The following SCHIP1 variants were observed in gnomAD, a reference collection of about 807,000 sequenced individuals.
The protein encoded by SCHIP1 is schwannomin-interacting protein 1.
A neutral mutation model predicts 29.7 loss-of-function variants in SCHIP1; 8 were observed. The observed-to-expected ratio is 0.27, with a 90% CI of 0.16 to 0.49. The LOEUF is 0.49. Ranked by LOEUF, SCHIP1 falls within the 20% of genes least tolerant of loss-of-function variation. The pLI is 0.99. For synonymous variants in SCHIP1, 76 were observed against 94.9 expected (o/e 0.80, Z 1.16); for missense variants, 193 against 294.6 (o/e 0.66, Z 2.52).
chr3:159,406,157 T>C, the SCHIP1 span, among the ~76,000 whole-genome samples: 1 of 151,364 alleles, frequency 6.6e-6, no homozygotes, highest in African/African-American at 2.4e-5. Context: ...CCAAAGAGAC[T>C]CCATGAAGGC....
chr3:159,399,095 C>G, the SCHIP1 span: 5 of 232,216 alleles, frequency 2.2e-5, no homozygotes, highest in South Asian at 7.9e-4. Context: ...CAGGCACACT[C>G]TGGATTGGAG....
chr3:159,631,742 G>A, the SCHIP1 span, among the ~76,000 whole-genome samples: 3 of 152,104 alleles, frequency 2.0e-5, no homozygotes, highest in Admixed American at 6.6e-5. Flanking sequence ...ACTCTAGATA[G>A]TTGTGATGGT....
chr3:159,595,422 G>T, the SCHIP1 span, among the ~76,000 whole-genome samples: 1 of 152,098 alleles, frequency 6.6e-6, no homozygotes, highest in Non-Finnish European at 1.5e-5. Context: ...GATCAAGGGA[G>T]TGGGTGCCAT....
the SCHIP1 span, among the ~76,000 whole-genome samples, chr3:159,805,939 G>T: frequency 4.1e-4 from 62 of 151,786 alleles, no homozygotes; most frequent in African/African-American, 1.5e-3. Context: ...GTCCCGAGTA[G>T]CTGGGACTAG....
chr3:159,525,103 C>T, the SCHIP1 span, among the ~76,000 whole-genome samples: 3 of 152,180 alleles, frequency 2.0e-5, no homozygotes, highest in African/African-American at 7.2e-5. Flanking sequence ...GTGTTCACTC[C>T]CCATCTTCTT....
chr3:159,892,570 A>T (rs1237185103), intron 6 of SCHIP1: 1 of 394,390 alleles, frequency 2.5e-6, no homozygotes, highest in African/African-American at 2.0e-5. Flanking sequence ...CCAAAGCACA[A>T]GCTCTTGTAT....
At chr3:159,330,624 G>A in the SCHIP1 span, among the ~76,000 whole-genome samples, 112,565 of 152,106 alleles carry the variant, frequency 0.74, 42,343 homozygotes, top group African/African-American at 0.87. Flanking sequence ...CACTGTATCA[G>A]TCAATGCCCT....
chr3:159,792,139 T>C, the SCHIP1 span, among the ~76,000 whole-genome samples: 1 of 152,196 alleles, frequency 6.6e-6, no homozygotes, highest in Non-Finnish European at 1.5e-5. Context: ...GTTTGTTCAT[T>C]CCTGGAGATA....
At chr3:159,588,979 GT>G in the SCHIP1 span, among the ~76,000 whole-genome samples, 2 of 152,104 alleles carry the variant, frequency 1.3e-5, no homozygotes, top group African/African-American at 2.4e-5. Flanking sequence ...ATTTAAAGTA[GT>G]TTTTTTCCAA....
chr3:159,677,578 G>A, the SCHIP1 span, among the ~76,000 whole-genome samples: 4 of 152,150 alleles, frequency 2.6e-5, no homozygotes, highest in East Asian at 7.7e-4. Context: ...GAGGACAGAT[G>A]ATTTTAACAA....
the SCHIP1 span, among the ~76,000 whole-genome samples, chr3:159,497,837 C>T: frequency 3.7e-4 from 57 of 152,142 alleles, no homozygotes; most frequent in Admixed American, 3.4e-3. Flanking sequence ...GAACAAAGCT[C>T]ACATTACCCA....
At chr3:159,725,547 G>T in the SCHIP1 span, among the ~76,000 whole-genome samples, 1 of 152,252 alleles carries the variant, frequency 6.6e-6, no homozygotes, top group Non-Finnish European at 1.5e-5. Flanking sequence ...TCACAGGCGT[G>T]AGCCACCACG....
chr3:159,826,971 G>A, the SCHIP1 span, among the ~76,000 whole-genome samples: 1 of 152,156 alleles, frequency 6.6e-6, no homozygotes, highest in Non-Finnish European at 1.5e-5. Context: ...GGTGTCATGT[G>A]TTGGGAGTAG....
At chr3:159,497,258 A>T in the SCHIP1 span, among the ~76,000 whole-genome samples, 3 of 151,992 alleles carry the variant, frequency 2.0e-5, no homozygotes, top group Non-Finnish European at 4.4e-5. Context: ...TAATAAAAAA[A>T]AAAGACTGAG....
At chr3:159,337,473 A>C in the SCHIP1 span, among the ~76,000 whole-genome samples, 5 of 152,158 alleles carry the variant, frequency 3.3e-5, no homozygotes, top group Non-Finnish European at 7.3e-5. Flanking sequence ...AAAACTCCCT[A>C]AGCTGATAGG....
At chr3:159,362,151 G>A in the SCHIP1 span, among the ~76,000 whole-genome samples, 2 of 152,186 alleles carry the variant, frequency 1.3e-5, no homozygotes, top group Non-Finnish European at 2.9e-5. Context: ...TACCTAGAAG[G>A]ATGACAGTAA....
the SCHIP1 span, among the ~76,000 whole-genome samples, chr3:159,329,934 T>C: frequency 2.0e-5 from 3 of 152,110 alleles, no homozygotes; most frequent in African/African-American, 7.3e-5. Context: ...ACAATGGTTA[T>C]GTCCTATTGA....
At chr3:159,349,983 C>T in the SCHIP1 span, among the ~76,000 whole-genome samples, 5 of 152,084 alleles carry the variant, frequency 3.3e-5, no homozygotes, top group Non-Finnish European at 5.9e-5. Context: ...AGCACTTGTT[C>T]TATATCTGTC....
the SCHIP1 span, among the ~76,000 whole-genome samples, chr3:159,610,449 T>C: frequency 6.6e-6 from 1 of 152,200 alleles, no homozygotes; most frequent in Non-Finnish European, 1.5e-5. Context: ...GGATTCAATA[T>C]TGTATTTGTC....
Sources: gnomAD v4.1 joint callset for allele counts (sites outside exome capture counted in the v4.1 genomes callset) on GRCh38, gnomAD v4.1.1 for gene constraint, MANE v1.5 for transcripts, NCBI Gene and HGNC (gene_info 2026-07-23, HGNC 2026-07-21) for gene names.